AHNAK2: variants seen among roughly 807,000 people sequenced by gnomAD.
AHNAK2 encodes the protein AHNAK nucleoprotein 2, also known as protein AHNAK2.
Under a neutral mutation model 30.7 loss-of-function variants are expected in AHNAK2, and 18 were observed. The ratio of observed to expected loss-of-function variants is 0.59; its 90% CI spans 0.41 to 0.87. The LOEUF (loss-of-function observed/expected upper bound fraction) is 0.87, where lower values mean the gene tolerates loss of function less well. AHNAK2 is among the 40% of genes least tolerant of loss of function. AHNAK2 has a pLI of 0.00. For synonymous variants in AHNAK2, 3,590 were observed against 3,073.8 expected (o/e 1.17, Z -5.56); for missense variants, 8,604 against 7,373.0 (o/e 1.17, Z -6.11).
rs574336535 is a variant in AHNAK2 at position 104,943,755 on chromosome 14, A to G, written c.11696T>C (p.Val3899Ala). The change falls in exon 7 of 7, where the codon GTC becomes GCC. Residue 3899 changes from valine to alanine, a missense_variant. Val to Ala is a moderately conservative substitution (Grantham distance 64). Coordinates refer to ENST00000333244, the MANE Select transcript of AHNAK2 (RefSeq NM_138420.4). ...GTCTATTTCAGGGCCCTTGAGGTCGACTTTGGGCATCTTGAAACTGGGCAT... is the reference window on the plus strand; with the variant it reads ...GTCTATTTCAGGGCCCTTGAGGTCGGCTTTGGGCATCTTGAAACTGGGCAT... Reference protein sequence around the residue: ...VQMPSFKMPKVDLKGPEIDIK... With the variant: ...VQMPSFKMPKADLKGPEIDIK... 1 of 1,612,138 alleles carries G rather than the reference A, an allele frequency of 6.2e-7. No homozygotes were observed. Among genetic ancestry groups the G allele is most frequent in the East Asian group, 2.2e-5 (1 of 44,690 alleles).
intron 5 of AHNAK2, 21 bp downstream of exon 5, chr14:104,955,462 G>C (rs778000726): frequency 6.2e-7 from 1 of 1,605,920 alleles, no homozygotes; most frequent in Non-Finnish European, 8.5e-7. Context: ...GGTGACCCCA[G>C]GGATGGAACT....
Position 104,955,631 on chromosome 14 carries a change from A to G in AHNAK2, c.318T>C (p.Ala106=). Residue 106 remains alanine (A), a splice_region_variant and synonymous_variant, in exon 5 of 7, where the codon GCT becomes GCC. Coordinates refer to ENST00000333244, the MANE Select transcript of AHNAK2 (RefSeq NM_138420.4). ...RTFFRMSRPE[A]VQEATEVTLK... Reference sequence around the variant, plus strand: ...GCGTCACCTCTGTTGCCTCCTGGACAGCCTGGAGCAGAAGCACATCAGGGC... The same window carrying G: ...GCGTCACCTCTGTTGCCTCCTGGACGGCCTGGAGCAGAAGCACATCAGGGC... 1 of 1,612,802 alleles carries G rather than the reference A, an allele frequency of 6.2e-7. No individual in the cohort carries two copies. The highest frequency in any genetic ancestry group is 8.5e-7 in the Non-Finnish European group (1 of 1,179,394).
rs1429286949 is a variant in AHNAK2, at chr14:104,947,325, G to T, written c.8126C>A (p.Ala2709Asp). 1.2e-6 allele frequency: 2 copies of T among 1,612,326 alleles called. No homozygotes were observed. The highest frequency in any genetic ancestry group is 3.3e-5 in the Admixed American group (2 of 59,892). The change falls in exon 7 of 7, where the codon GCT becomes GAT. Residue 2709 changes from alanine to aspartate, a missense_variant. Physicochemically the swap from Ala to Asp is moderately radical, Grantham distance 126. Coordinates refer to ENST00000333244, the MANE Select transcript of AHNAK2 (RefSeq NM_138420.4). Reference sequence around the variant, plus strand: ...TGGGAGTTTCACATCCACCTGGCCAGCCTGGACCTCCAGTTGGGCAGAGGG... The same window carrying T: ...TGGGAGTTTCACATCCACCTGGCCATCCTGGACCTCCAGTTGGGCAGAGGG... ...QPPSAQLEVQ[A>D]GQVDVKLPEG...
At position 104,947,492 on chromosome 14, in the gene AHNAK2, G is replaced by C. The variant is rs1365424995; in HGVS notation, c.7959C>G (p.Phe2653Leu). The C allele has an allele frequency of 6.2e-7, 1 of 1,612,688 alleles. No homozygotes were observed. Among genetic ancestry groups the C allele is most frequent in the South Asian group, 1.1e-5 (1 of 91,006 alleles). Residue 2653 changes from phenylalanine to leucine, a missense_variant, in exon 7 of 7, where the codon TTC becomes TTG. Phe to Leu is a conservative substitution (Grantham distance 22). Coordinates refer to ENST00000333244, the MANE Select transcript of AHNAK2 (RefSeq NM_138420.4). ...AKDSKFKMPKFKMPSFRVSAP... is the reference protein window; with the variant it reads ...AKDSKFKMPKLKMPSFRVSAP... The stretch of plus-strand genomic sequence containing the variant: ...CCGACACCCTGAATGATGGCATCTT[G>C]AACTTGGGCATTTTGAACTTGCTAT...
rs1898054135 is a variant in AHNAK2 at position 104,942,767 on chromosome 14, T to C, written c.12684A>G (p.Lys4228=). 9.3e-6 allele frequency: 15 copies of C among 1,612,714 alleles called. No homozygotes were observed. Among genetic ancestry groups the C allele is most frequent in the Non-Finnish European group, 1.3e-5 (15 of 1,179,550 alleles). ...KVQMPCLKMP[K]VALKGPQVDV... ...CCACCTGGGGGCCCTTGAGGGCCAC[T>C]TTGGGCATCTTCAAACAGGGCATCT... The change falls in exon 7 of 7, where the codon AAA becomes AAG. Residue 4228 remains lysine, a synonymous_variant. Coordinates refer to ENST00000333244, the MANE Select transcript of AHNAK2 (RefSeq NM_138420.4).
chr14:104,964,599 T>C (rs958166255), intron 1 of AHNAK2, among the ~76,000 whole-genome samples: 1 of 152,182 alleles, frequency 6.6e-6, no homozygotes. Flanking sequence ...ATGCGAGGTA[T>C]TTGTCCAATG....
At position 104,953,703 on chromosome 14, in the gene AHNAK2, G is replaced by A. The variant is rs1898876430; in HGVS notation, c.1748C>T (p.Pro583Leu). ...REDTEGQIRM[P>L]KFKIPSLGWS... ...TCCTAAGGAGGGTATCTTGAACTTGGGCATTCTTATCTGTCCTTCTGTGTC... is the reference window on the plus strand; with the variant it reads ...TCCTAAGGAGGGTATCTTGAACTTGAGCATTCTTATCTGTCCTTCTGTGTC... Residue 583 changes from proline (P) to leucine (L), a missense_variant, in exon 7 of 7, where the codon CCC becomes CTC. Pro to Leu is a moderately conservative substitution (Grantham distance 98). Coordinates refer to ENST00000333244, the MANE Select transcript of AHNAK2 (RefSeq NM_138420.4). 1 of 1,613,808 alleles carries A rather than the reference G, an allele frequency of 6.2e-7. No individual in the cohort carries two copies. Among genetic ancestry groups the A allele is most frequent in the Admixed American group, 1.7e-5 (1 of 60,014 alleles).
chr14:104,950,263 G>A lies in AHNAK2; in HGVS notation c.5188C>T (p.Pro1730Ser). ...GQVNVKLPEG[P>S]LPEGAGFKGH... ...TTGAAGCCGGCTCCCTCGGGAAGGG[G>A]GCCCTCCGGGAGTTTCACGTTCACT... The change falls in exon 7 of 7, where the codon CCC becomes TCC. Residue 1730 changes from proline (P) to serine (S), a missense_variant. Coordinates refer to ENST00000333244, the MANE Select transcript of AHNAK2 (RefSeq NM_138420.4). 2.5e-6 allele frequency: 4 copies of A among 1,585,682 alleles called. No homozygotes were observed. Among genetic ancestry groups the A allele is most frequent in the Non-Finnish European group, 3.4e-6 (4 of 1,162,858 alleles).
At position 104,950,720 on chromosome 14, in the gene AHNAK2, G is replaced by C. The variant is rs1377792059; in HGVS notation, c.4731C>G (p.Pro1577=). 3 of 1,588,104 alleles carry C rather than the reference G, an allele frequency of 1.9e-6. No individual in the cohort carries two copies. The highest frequency in any genetic ancestry group is 1.7e-5 in the Admixed American group (1 of 57,562). Residue 1577 remains proline, a synonymous_variant, in exon 7 of 7, where the codon CCC becomes CCG. Transcript: ENST00000333244. The part of the protein sequence containing the change: ...SEGAGLKGHL[P]KVQMPSFKMP... Reference sequence around the variant, plus strand: ...TCTTGAAACTGGGCATCTGCACTTTGGGCAGGTGCCCTTTGAGGCCGGCTC... The same window carrying C: ...TCTTGAAACTGGGCATCTGCACTTTCGGCAGGTGCCCTTTGAGGCCGGCTC...
rs1356084881 is a variant in AHNAK2, at chr14:104,943,876, C to T, written c.11575G>A (p.Asp3859Asn). The T allele has an allele frequency of 8.1e-6, 13 of 1,612,876 alleles. No homozygotes were observed. The highest frequency in any genetic ancestry group is 1.6e-4 in the Middle Eastern group (1 of 6,072). The change falls in exon 7 of 7, where the codon GAC becomes AAC. Residue 3859 changes from aspartate (D) to asparagine (N), a missense_variant. Transcript: ENST00000333244. ...TDLSIQPHSA[D>N]LTVQARQVDM... ...ACCTGGCGAGCTTGGACCGTCAGGT[C>T]GGCAGAATGGGGCTGAATGCTGAGG...
chr14:104,974,771 C>T (rs531260869), intron 1 of AHNAK2, among the ~76,000 whole-genome samples: 5 of 152,318 alleles, frequency 3.3e-5, no homozygotes, highest in Admixed American at 2.0e-4. Context: ...CATCCCTGAG[C>T]GCAGGGTCCG....
chr14:104,942,840 C>T lies in AHNAK2; in HGVS notation c.12611G>A (p.Gly4204Asp). ...AGQVDVKLPE[G>D]PLPKGAGLKG... ...GAGGCCGGCTCCCTTGGGCAGGGGG[C>T]CCTCCGGGAGTTTCACGTCCACTTG... Residue 4204 changes from glycine (G) to aspartate (D), a missense_variant, in exon 7 of 7, where the codon GGC becomes GAC. By Grantham distance (94) the Gly-to-Asp change is moderately conservative. Transcript: ENST00000333244. 1 of 1,612,680 alleles carries T rather than the reference C, an allele frequency of 6.2e-7. No homozygotes were observed. The highest frequency in any genetic ancestry group is 8.5e-7 in the Non-Finnish European group (1 of 1,179,528).
chr14:104,951,190 C>T lies in AHNAK2; in HGVS notation c.4261G>A (p.Val1421Met), dbSNP rs200038646. Residue 1421 changes from valine to methionine, a missense_variant, in exon 7 of 7, where the codon GTG (valine) becomes ATG (methionine). Transcript: ENST00000333244. ...LPKLQMPSFK[V>M]PKVDLKGPEI... is the part of the protein sequence containing the mutation. ...GGGCCCTTGAGGTCCACTTTGGGCACCTTGAAACTGGGCATCTGCAGCTTG... is the reference window on the plus strand; with the variant it reads ...GGGCCCTTGAGGTCCACTTTGGGCATCTTGAAACTGGGCATCTGCAGCTTG... 289 of 1,059,680 alleles carry T rather than the reference C, an allele frequency of 2.7e-4. 48 individuals carry two copies. The highest frequency in any genetic ancestry group is 1.5e-3 in the Admixed American group (71 of 46,142). 65.6% of individuals were successfully genotyped at this position (1,059,680 alleles called of 1,614,324 possible).
intron 1 of AHNAK2, among the ~76,000 whole-genome samples, chr14:104,972,859 T>C (rs954077894): frequency 1.3e-5 from 2 of 152,070 alleles, no homozygotes; most frequent in African/African-American, 4.8e-5. Flanking sequence ...TGGCGGTGGG[T>C]GCCCACAGCA....
intron 3 of AHNAK2, among the ~76,000 whole-genome samples, chr14:104,956,898 G>GCCTACAGCCCACAGCACCCAC (rs1360396895): frequency 3.9e-5 from 6 of 152,162 alleles, no homozygotes; most frequent in African/African-American, 1.4e-4. Flanking sequence ...ACAGGGCCCA[G>GCCTACAGCCCACAGCACCCAC]CCTACAGCCC....
At chr14:104,969,074 C>T (rs1382118718) in intron 1 of AHNAK2, among the ~76,000 whole-genome samples, 3 of 152,226 alleles carry the variant, frequency 2.0e-5, no homozygotes, top group African/African-American at 4.8e-5. Flanking sequence ...CAACATCCCC[C>T]GCCCCTCCCC....
chr14:104,974,838 G>A (rs1026850767), intron 1 of AHNAK2, among the ~76,000 whole-genome samples: 1 of 152,218 alleles, frequency 6.6e-6, no homozygotes, highest in African/African-American at 2.4e-5. Flanking sequence ...CCTGAAGTGG[G>A]TGGCAGGGAC....
In AHNAK2 at chr14:104,948,749, C is replaced by T. The variant is rs368097805; in HGVS notation, c.6702G>A (p.Gly2234=). Residue 2234 remains glycine (G), a synonymous_variant, in exon 7 of 7, where the codon GGG becomes GGA. Coordinates refer to ENST00000333244, the MANE Select transcript of AHNAK2 (RefSeq NM_138420.4). ...TGGGCATCTGCAGCTTGGGCAGGTG[C>T]CCTTTGAGGCCGACTTCCTCGGGCA... is the stretch of plus-strand genomic sequence containing the variant. ...GPVPEEVGLK[G]HLPKLQMPSF... 12 of 1,611,850 alleles carry T rather than the reference C, an allele frequency of 7.4e-6. No homozygotes were observed. Among genetic ancestry groups the T allele is most frequent in the East Asian group, 4.5e-5 (2 of 44,688 alleles).
In AHNAK2 at chr14:104,962,279, C is replaced by T. The variant is rs144871013; in HGVS notation, c.56-4607G>A. Among the ~76,000 whole-genome samples, 1,371 of 152,262 alleles carry T rather than the reference C, an allele frequency of 9.0e-3. 20 individuals are homozygous for T. The highest frequency in any genetic ancestry group is 0.032 in the African/African-American group (1,311 of 41,538). On this transcript the variant is annotated intron_variant, in intron 1 of 6. Transcript: ENST00000333244. ...ATGCTGGCTCAGAAACCTGTCTTGA[C>T]GAATTTAAAATAACTTCAGTCATCC...
Sources: allele counts gnomAD v4.1 joint callset (sites outside exome capture counted in the v4.1 genomes callset), GRCh38; gene constraint gnomAD v4.1.1; transcripts MANE v1.5; gene names NCBI Gene and HGNC (gene_info 2026-07-23, HGNC 2026-07-21).